Variants in CNTN1 observed in about 807,000 individuals in gnomAD.
The protein encoded by CNTN1 is contactin 1.
CNTN1 carries 38 observed loss-of-function variants against 126.4 expected under a neutral mutation model. The ratio of observed to expected loss-of-function variants is 0.30; its 90% confidence interval spans 0.23 to 0.39. CNTN1 has a LOEUF of 0.39. Ranked by LOEUF, CNTN1 falls within the 10% of genes least tolerant of loss-of-function variation. The pLI, the probability that CNTN1 is intolerant of heterozygous loss-of-function variation, is 1.00. For missense variants in CNTN1, 1,009 were observed against 1,248.4 expected (o/e 0.81, Z 2.89); for synonymous variants, 413 against 422.6 (o/e 0.98, Z 0.28).
intron 14 of CNTN1, among the ~76,000 whole-genome samples, chr12:40,945,119 A>T (rs1286190251): frequency 6.6e-6 from 1 of 152,106 alleles, no homozygotes; most frequent in Non-Finnish European, 1.5e-5. Context: ...CTACAACTGT[A>T]CACCTCTAGT....
intron 16 of CNTN1, among the ~76,000 whole-genome samples, chr12:40,984,531 T>C (rs373188719): frequency 7.2e-4 from 110 of 152,264 alleles, no homozygotes; most frequent in African/African-American, 2.5e-3. Flanking sequence ...TGCTAGGCTC[T>C]TCGTAACAAT....
At chr12:40,771,071 A>ACTAAAGAAGC in intron 1 of CNTN1, among the ~76,000 whole-genome samples, 1 of 152,224 alleles carries the variant, frequency 6.6e-6, no homozygotes, top group East Asian at 1.9e-4. Flanking sequence ...CTGTCCATGT[A>ACTAAAGAAGC]CTAAAGAAGC....
At chr12:40,996,141 CTT>C (rs397849906) in intron 17 of CNTN1, among the ~76,000 whole-genome samples, 4 of 143,496 alleles carry the variant, frequency 2.8e-5, no homozygotes, top group Non-Finnish European at 6.2e-5. Flanking sequence ...CTGAGCCTCA[CTT>C]TTTTTTTTTT....
intron 1 of CNTN1, among the ~76,000 whole-genome samples, chr12:40,766,983 C>T (rs1213518443): frequency 6.6e-6 from 1 of 151,834 alleles, no homozygotes; most frequent in African/African-American, 2.4e-5. Context: ...GTATAATGTC[C>T]AGTATAAAAC....
At chr12:40,881,416 T>G (rs1943865686) in intron 1 of CNTN1, among the ~76,000 whole-genome samples, 1 of 151,856 alleles carries the variant, frequency 6.6e-6, no homozygotes, top group East Asian at 1.9e-4. Flanking sequence ...TATCCAATAG[T>G]AGATGTTTTC....
At chr12:40,703,183 A>G (rs1941644783) in intron 1 of CNTN1, among the ~76,000 whole-genome samples, 1 of 152,100 alleles carries the variant, frequency 6.6e-6, no homozygotes, top group South Asian at 2.1e-4. Flanking sequence ...TGGATTTTGT[A>G]TTTCCAAATA....
In CNTN1 at chr12:40,906,669, C is replaced by CTTTTTTTTTTTTTTTTTTTTTT. The variant is rs111442544; in HGVS notation, c.-76-1679_-76-1678insTTTTTTTTTTTTTTTTTTTTTT. Among the ~76,000 whole-genome samples the CTTTTTTTTTTTTTTTTTTTTTT allele has an allele frequency of 1.3e-4, 14 of 107,228 alleles. 2 individuals carry two copies. Among genetic ancestry groups the CTTTTTTTTTTTTTTTTTTTTTT allele is most frequent in the South Asian group, 2.8e-4 (1 of 3,554 alleles). The allele number at this position is 107,228 out of a possible 152,430, so 70.3% of individuals were successfully genotyped here. A position where few individuals can be genotyped will look rare whatever the true frequency, so the allele number is the denominator to read the frequency against. ...TTTCCTTTTAAAATTGTTTTTCATGCTTTTTTTTTGTTTTGTTTTTTTTGA... is the reference window on the plus strand; with the variant it reads ...TTTCCTTTTAAAATTGTTTTTCATGCTTTTTTTTTTTTTTTTTTTTTTTTTTTTTTTGTTTTGTTTTTTTTGA... On this transcript the variant is annotated intron_variant, in intron 1 of 23. Transcript: ENST00000551295.
At chr12:40,833,821 C>A (rs764884565) in intron 1 of CNTN1, among the ~76,000 whole-genome samples, 9 of 152,136 alleles carry the variant, frequency 5.9e-5, no homozygotes, top group Non-Finnish European at 1.2e-4. Context: ...ATATCTACTG[C>A]ATGGAAACAA....
intron 1 of CNTN1, among the ~76,000 whole-genome samples, chr12:40,848,156 T>C (rs1052893610): frequency 6.6e-6 from 1 of 152,212 alleles, no homozygotes; most frequent in African/African-American, 2.4e-5. Flanking sequence ...ATATTTTTTC[T>C]AGGAATAGTC....
In CNTN1 at chr12:41,071,658, G is replaced by T. The variant is rs1275184234; in HGVS notation, c.*1623G>T. ...ATTTCATTAGTTTACATTTAACTCT[G>T]GTATAAAATGAAACTTTTAAAAATA... On this transcript the variant is annotated 3_prime_UTR_variant, in exon 24 of 24. Transcript: ENST00000551295. 1 of 151,950 alleles carries T rather than the reference G, an allele frequency of 6.6e-6. No homozygotes were observed. The highest frequency in any genetic ancestry group is 1.5e-5 in the Non-Finnish European group (1 of 67,990). 9.4% of individuals were successfully genotyped at this position (151,950 alleles called of 1,614,324 possible). A position where few individuals can be genotyped will look rare whatever the true frequency, so the allele number is the denominator to read the frequency against.
intron 1 of CNTN1, among the ~76,000 whole-genome samples, chr12:40,737,581 G>T (rs1383907638): frequency 6.6e-6 from 1 of 151,570 alleles, no homozygotes; most frequent in Non-Finnish European, 1.5e-5. Context: ...TTTTCTGCCT[G>T]CTTTATATTC....
intron 23 of CNTN1, among the ~76,000 whole-genome samples, chr12:41,036,122 GT>G (rs907053078): frequency 9.2e-5 from 14 of 152,226 alleles, no homozygotes; most frequent in Admixed American, 5.9e-4. Flanking sequence ...GCTACTGTAG[GT>G]TTTTTTATGA....
chr12:40,873,609 A>G (rs1943576845), intron 1 of CNTN1, among the ~76,000 whole-genome samples: 1 of 152,200 alleles, frequency 6.6e-6, no homozygotes, highest in Non-Finnish European at 1.5e-5. Context: ...GATATTTATA[A>G]TGATATGAAA....
chr12:40,739,743 T>G (rs1937856618), intron 1 of CNTN1, among the ~76,000 whole-genome samples: 1 of 152,080 alleles, frequency 6.6e-6, no homozygotes, highest in African/African-American at 2.4e-5. Context: ...TATATTTTTC[T>G]GTGTCCTTGA....
At chr12:40,980,124 A>G (rs1264066043) in intron 15 of CNTN1, among the ~76,000 whole-genome samples, 2 of 152,198 alleles carry the variant, frequency 1.3e-5, no homozygotes, top group African/African-American at 4.8e-5. Flanking sequence ...AATTACCTAT[A>G]ACATTTAGAG....
chr12:40,938,598 T>G (rs1259657592), intron 11 of CNTN1, among the ~76,000 whole-genome samples: 3 of 152,204 alleles, frequency 2.0e-5, no homozygotes, highest in Non-Finnish European at 4.4e-5. Context: ...ATTTATAAAC[T>G]GGGAATAGTT....
intron 1 of CNTN1, among the ~76,000 whole-genome samples, chr12:40,696,462 A>G (rs1233549636): frequency 6.6e-6 from 1 of 152,218 alleles, no homozygotes; most frequent in African/African-American, 2.4e-5. Flanking sequence ...AAAACTTCCA[A>G]TTTATAAGTC....
chr12:40,798,198 T>C (rs540872087), intron 1 of CNTN1, among the ~76,000 whole-genome samples: 114 of 152,032 alleles, frequency 7.5e-4, no homozygotes, highest in African/African-American at 2.6e-3. Flanking sequence ...AGACTGCAAA[T>C]GAATGGACAG....
rs1941443938 is a variant in CNTN1 at position 40,821,631 on chromosome 12, G to A, written c.-76-86726G>A. The stretch of plus-strand genomic sequence containing the variant: ...TTTGAAACATTAGGGGAAATCTTGG[G>A]CATTTTAATGGAACCAGAAATCCTT... On this transcript the variant is annotated intron_variant, in intron 1 of 23. Transcript: ENST00000551295. 7.9e-5 allele frequency among the ~76,000 whole-genome samples: 12 copies of A among 152,060 alleles called. 1 individual carries two copies. The highest frequency in any genetic ancestry group is 7.9e-4 in the Admixed American group (12 of 15,262).
Sources: allele counts gnomAD v4.1 joint callset (sites outside exome capture counted in the v4.1 genomes callset), GRCh38; gene constraint gnomAD v4.1.1; transcripts MANE v1.5; gene names NCBI Gene and HGNC (gene_info 2026-07-23, HGNC 2026-07-21).